The following SMARCC1 variants were observed in gnomAD, a reference collection of about 807,000 sequenced individuals.
SMARCC1 encodes SWI/SNF related BAF chromatin remodeling complex subunit C1, also known as SWI/SNF complex subunit SMARCC1.
A neutral mutation model predicts 147.4 loss-of-function variants in SMARCC1; 43 were observed. The ratio of observed to expected loss-of-function variants is 0.29; its 90% CI spans 0.23 to 0.38. The LOEUF (loss-of-function observed/expected upper bound fraction) is 0.38. SMARCC1 is among the 10% of genes least tolerant of loss of function. The pLI is 1.00. For missense variants in SMARCC1, 1,119 were observed against 1,381.1 expected, an observed-to-expected ratio of 0.81 and a Z score of 3.01; for synonymous variants, 495 against 484.4, an observed-to-expected ratio of 1.02 and a Z score of -0.29.
intron 21 of SMARCC1, among the ~76,000 whole-genome samples, chr3:47,643,879 T>G (rs2033083669): frequency 6.6e-6 from 1 of 152,106 alleles, no homozygotes; most frequent in Non-Finnish European, 1.5e-5. Flanking sequence ...CTAAATTAAA[T>G]GCAGATGGGA....
intron 6 of SMARCC1, 54 bp from the exon 7 acceptor site, chr3:47,720,789 T>C (rs2034223638): frequency 8.5e-6 from 11 of 1,290,292 alleles, no homozygotes; most frequent in South Asian, 5.0e-5. Context: ...ATAAAGAAAC[T>C]ATGATTTTTA....
intron 2 of SMARCC1, among the ~76,000 whole-genome samples, chr3:47,766,426 A>T (rs1309265543): frequency 6.6e-6 from 1 of 151,730 alleles, no homozygotes; most frequent in African/African-American, 2.4e-5. Flanking sequence ...AAAAATTAGC[A>T]GGGTGTAGTG....
At chr3:47,720,596 A>G in intron 7 of SMARCC1, 70 bp downstream of exon 7, 2 of 1,050,676 alleles carry the variant, frequency 1.9e-6, no homozygotes, top group East Asian at 2.4e-5. Context: ...TCAGAAAATA[A>G]AACTATAAAT....
At position 47,686,152 on chromosome 3, in the gene SMARCC1, T is replaced by G. The variant is rs1196922188; in HGVS notation, c.1282A>C (p.Lys428Gln). Residue 428 changes from lysine to glutamine, a missense_variant, in exon 14 of 28, where the codon AAA (lysine) becomes CAA (glutamine). By Grantham distance (53) the Lys-to-Gln change is moderately conservative. Coordinates refer to ENST00000254480, the MANE Select transcript of SMARCC1 (RefSeq NM_003074.4). ...AGGKEDEDPA[K>Q]GDQSRSVDLG... is the part of the protein sequence containing the mutation. ...TCAACTGATCGACTCTGATCACCTT[T>G]GGCAGGATCTTCATCTTCCTATAGA... The G allele has an allele frequency of 1.2e-6, 2 of 1,612,414 alleles. No individual in the cohort carries two copies. Among genetic ancestry groups the G allele is most frequent in the African/African-American group, 1.3e-5 (1 of 74,900 alleles).
chr3:47,718,894 T>C (rs2034194452), intron 7 of SMARCC1, among the ~76,000 whole-genome samples: 1 of 152,210 alleles, frequency 6.6e-6, no homozygotes, highest in East Asian at 1.9e-4. Flanking sequence ...CAGGCATTAA[T>C]ATTAAATAAT....
intron 2 of SMARCC1, among the ~76,000 whole-genome samples, chr3:47,747,219 A>G (rs1172838806): frequency 1.3e-5 from 2 of 151,828 alleles, no homozygotes; most frequent in South Asian, 2.1e-4. Flanking sequence ...AGATGGCTTG[A>G]GCACAGGAGT....
At chr3:47,715,820 T>A (rs2034149110) in intron 7 of SMARCC1, among the ~76,000 whole-genome samples, 1 of 152,038 alleles carries the variant, frequency 6.6e-6, no homozygotes, top group Non-Finnish European at 1.5e-5. Flanking sequence ...ATTCCAACAT[T>A]CCCTACTAAG....
At chr3:47,766,530 T>C (rs939316167) in intron 2 of SMARCC1, among the ~76,000 whole-genome samples, 1 of 152,052 alleles carries the variant, frequency 6.6e-6, no homozygotes, top group Non-Finnish European at 1.5e-5. Flanking sequence ...GTTGAGATCA[T>C]GCCACTGCAC....
At chr3:47,684,103 A>G (rs1199519083) in intron 14 of SMARCC1, among the ~76,000 whole-genome samples, 69 of 149,372 alleles carry the variant, frequency 4.6e-4, no homozygotes, top group Middle Eastern at 3.5e-3. Flanking sequence ...AGCCGGGCGT[A>G]GTGGCGGGCG....
intron 21 of SMARCC1, among the ~76,000 whole-genome samples, chr3:47,650,265 G>A (rs1466148307): frequency 1.4e-5 from 2 of 143,278 alleles, no homozygotes; most frequent in Non-Finnish European, 1.5e-5. Context: ...GACAGAGCGA[G>A]ACTCTGTTTA....
intron 24 of SMARCC1, among the ~76,000 whole-genome samples, chr3:47,623,433 CTT>C (rs988353531): frequency 6.6e-6 from 1 of 152,174 alleles, no homozygotes; most frequent in Admixed American, 6.5e-5. Context: ...AGACCTAACA[CTT>C]AGACGAAAGC....
Position 47,670,647 on chromosome 3 carries a change from A to T in SMARCC1, c.1899+11T>A, listed in dbSNP as rs375925436. On this transcript the variant is annotated intron_variant, in intron 19 of 27. Coordinates refer to ENST00000254480, the MANE Select transcript of SMARCC1 (RefSeq NM_003074.4). ...TCTTAGCACACATCCCATATGCATT[A>T]ATCTGCTTACCTCCAGGAGTAGAAG... The T allele has an allele frequency of 2.0e-6, 3 of 1,493,194 alleles. No homozygotes were observed. In the African/African-American group the frequency reaches 4.1e-5, roughly 20 times the overall value. 92.5% of individuals were successfully genotyped at this position (1,493,194 alleles called of 1,614,324 possible). A position where few individuals can be genotyped will look rare whatever the true frequency, so the allele number is the denominator to read the frequency against.
rs1559654965 is a variant in SMARCC1 at position 47,724,224 on chromosome 3, A to T, written c.647-3489T>A. ...CTTGCACACCCATGTTCATTACAGC[A>T]GTATTCACAATAGTCAAAATGCAAA... On this transcript the variant is annotated intron_variant, in intron 6 of 27. Coordinates refer to ENST00000254480, the MANE Select transcript of SMARCC1 (RefSeq NM_003074.4). 2.0e-5 allele frequency among the ~76,000 whole-genome samples: 3 copies of T among 152,248 alleles called. No individual in the cohort carries two copies. The South Asian group carries it at 6.2e-4, about 32-fold the overall frequency.
In SMARCC1 at chr3:47,665,846, C is replaced by T. The variant is rs890061186; in HGVS notation, c.1900-3254G>A. 6.6e-5 allele frequency among the ~76,000 whole-genome samples: 10 copies of T among 151,538 alleles called. No individual in the cohort carries two copies. In the South Asian group the frequency reaches 2.1e-3, roughly 32 times the overall value. On this transcript the variant is annotated intron_variant, in intron 19 of 27. Coordinates refer to ENST00000254480, the MANE Select transcript of SMARCC1 (RefSeq NM_003074.4). ...ATTACTTAACCTGGATACACTCACT[C>T]ACTCTCTTTTTTTTTTTTTTGTGAG...
intron 2 of SMARCC1, among the ~76,000 whole-genome samples, chr3:47,748,754 C>G (rs149168887): frequency 2.6e-5 from 4 of 152,152 alleles, no homozygotes; most frequent in African/African-American, 9.6e-5. Context: ...ATTTTTTTCT[C>G]TAAAAACTAT....
chr3:47,744,175 G>A (rs1273811124), intron 3 of SMARCC1, among the ~76,000 whole-genome samples: 1 of 151,592 alleles, frequency 6.6e-6, no homozygotes, highest in Non-Finnish European at 1.5e-5. Flanking sequence ...TTTTTTTTTG[G>A]AGACAGCCCA....
intron 13 of SMARCC1, among the ~76,000 whole-genome samples, chr3:47,688,832 T>C (rs1282592589): frequency 6.6e-6 from 1 of 151,630 alleles, no homozygotes; most frequent in Non-Finnish European, 1.5e-5. Context: ...ACCAGGGGAG[T>C]ATGAAACTAG....
intron 7 of SMARCC1, among the ~76,000 whole-genome samples, chr3:47,717,151 C>G (rs528598315): frequency 6.6e-6 from 1 of 152,186 alleles, no homozygotes; most frequent in African/African-American, 2.4e-5. Flanking sequence ...CTTAAATAGA[C>G]TAATAAAAAC....
At chr3:47,677,558 G>GTT (rs573194785) in intron 16 of SMARCC1, among the ~76,000 whole-genome samples, 9 of 145,640 alleles carry the variant, frequency 6.2e-5, no homozygotes, top group African/African-American at 2.2e-4. Flanking sequence ...TTTATTTTGT[G>GTT]TTTTTTTTTT....
Sources: allele counts gnomAD v4.1 joint callset (sites outside exome capture counted in the v4.1 genomes callset), GRCh38; gene constraint gnomAD v4.1.1; transcripts MANE v1.5; gene names NCBI Gene and HGNC (gene_info 2026-07-23, HGNC 2026-07-21).